The following DOCK8 variants were observed in gnomAD, a reference collection of about 807,000 sequenced individuals.
The protein encoded by DOCK8 is dedicator of cytokinesis 8, also known as dedicator of cytokinesis protein 8.
DOCK8 carries 141 observed loss-of-function variants against 245.6 expected under a neutral mutation model. The observed-to-expected ratio is 0.57, with a 90% CI of 0.50 to 0.66. The LOEUF is 0.66. Among genes scored for constraint, DOCK8 ranks in the 30% least tolerant of loss-of-function variants. The probability of loss-of-function intolerance (pLI) is 0.00; values close to 1 mark genes in which losing one functional copy is unlikely to be tolerated. For missense variants in DOCK8, 2,965 were observed against 2,603.4 expected (o/e 1.14, Z -3.02); for synonymous variants, 1,168 against 970.2 (o/e 1.20, Z -3.79).
intron 4 of DOCK8, among the ~76,000 whole-genome samples, chr9:294,952 G>C (rs540510721): frequency 1.3e-5 from 2 of 152,298 alleles, no homozygotes; most frequent in South Asian, 4.1e-4. Context: ...TTGAGGTCAG[G>C]AGTTCCAGAC....
At chr9:306,955 C>T (rs1248893729) in intron 5 of DOCK8, among the ~76,000 whole-genome samples, 1 of 152,152 alleles carries the variant, frequency 6.6e-6, no homozygotes, top group Non-Finnish European at 1.5e-5. Flanking sequence ...ACTCACGCCT[C>T]ACAGGAGGAG....
chr9:214,716 T>C, upstream of DOCK8: 2 of 1,545,370 alleles, frequency 1.3e-6, no homozygotes, highest in Non-Finnish European at 1.7e-6. Context: ...GGGAGGCCAG[T>C]TCCGCGCTGG....
At chr9:389,503 C>T (rs1408804707) in intron 23 of DOCK8, among the ~76,000 whole-genome samples, 1 of 152,164 alleles carries the variant, frequency 6.6e-6, no homozygotes, top group Non-Finnish European at 1.5e-5. Context: ...CCCACAATGC[C>T]ATATGGGCAT....
At chr9:418,414 C>T (rs557488618) in intron 30 of DOCK8, among the ~76,000 whole-genome samples, 2 of 152,272 alleles carry the variant, frequency 1.3e-5, no homozygotes, top group Admixed American at 6.5e-5. Context: ...CAGGCGTGCA[C>T]CACCACACCT....
At chr9:423,706 C>A (rs952415929) in intron 33 of DOCK8, among the ~76,000 whole-genome samples, 1 of 152,108 alleles carries the variant, frequency 6.6e-6, no homozygotes, top group Non-Finnish European at 1.5e-5. Context: ...GCACTAAATT[C>A]CCTGGACTGA....
At chr9:211,542 G>C (rs1268753984), upstream of DOCK8, among the ~76,000 whole-genome samples, 2 of 152,126 alleles carry the variant, frequency 1.3e-5, no homozygotes, top group Non-Finnish European at 2.9e-5. Flanking sequence ...TGTTATCTAG[G>C]TATTAATTTA....
At chr9:439,193 C>G in intron 39 of DOCK8, 52 bp from the exon 40 acceptor site, 1 of 1,613,574 alleles carries the variant, frequency 6.2e-7, no homozygotes, top group Non-Finnish European at 8.5e-7. Flanking sequence ...CCTGTGGTCT[C>G]TTACTAGTCT....
chr9:230,521 T>C (rs1445791517), intron 1 of DOCK8, among the ~76,000 whole-genome samples: 1 of 152,092 alleles, frequency 6.6e-6, no homozygotes, highest in Non-Finnish European at 1.5e-5. Flanking sequence ...CCACCAACAG[T>C]GTAAAAGTGT....
At chr9:297,075 G>A (rs1014461179) in intron 4 of DOCK8, among the ~76,000 whole-genome samples, 2 of 152,168 alleles carry the variant, frequency 1.3e-5, no homozygotes, top group African/African-American at 4.8e-5. Flanking sequence ...TGCACCTTAT[G>A]ATTTTAGCAC....
Position 463,588 on chromosome 9 carries a change from A to C in DOCK8, c.6140A>C (p.Lys2047Thr). 1 of 1,614,216 alleles carries C rather than the reference A, an allele frequency of 6.2e-7. No homozygotes were observed. Among genetic ancestry groups the C allele is most frequent in the Non-Finnish European group, 8.5e-7 (1 of 1,180,046 alleles). The stretch of plus-strand genomic sequence containing the variant: ...CAGAGGGAATATCAGCAGGAACTCA[A>C]AAAGAACTATAACAAGCTAAAAGAG... Reference protein sequence around the residue: ...ADQREYQQELKKNYNKLKENL... With the variant: ...ADQREYQQELTKNYNKLKENL... Residue 2047 changes from lysine to threonine, a missense_variant, in exon 47 of 48, where the codon AAA becomes ACA. Coordinates refer to ENST00000432829, the MANE Select transcript of DOCK8 (RefSeq NM_203447.4).
rs775818273 is a variant in DOCK8, at chr9:371,486, C to T, written c.1927C>T (p.His643Tyr). Residue 643 changes from histidine (H) to tyrosine (Y), a missense_variant, in exon 17 of 48, where the codon CAC (histidine) becomes TAC (tyrosine). His to Tyr is a moderately conservative substitution (Grantham distance 83). Transcript: ENST00000432829. The stretch of plus-strand genomic sequence containing the variant: ...GCTCCCCGCTAAGCTCACAGTAAAT[C>T]ACCACCTCCTGTTCACCTTCTACCA... ...IKLPAKLTVN[H>Y]HLLFTFYHIS... The T allele has an allele frequency of 6.8e-6, 11 of 1,614,086 alleles. No individual in the cohort carries two copies. In the South Asian group the frequency reaches 9.9e-5, roughly 14 times the overall value.
intron 26 of DOCK8, among the ~76,000 whole-genome samples, chr9:400,168 TCCACCATCACCACC>T (rs2054770055): frequency 5.7e-4 from 20 of 35,394 alleles, no homozygotes; most frequent in African/African-American, 1.9e-3. Flanking sequence ...CACCACCACC[TCCACCATCACCACC>T]TCCTTCACCA....
Position 286,383 on chromosome 9 carries a change from C to G in DOCK8, c.157-78C>G, listed in dbSNP as rs539534391. ...CTTACTAAGTCAAAGGAAAGCAAGG[C>G]AAACATCTACTATTGCCTTTGTGCT... On this transcript the variant is annotated intron_variant, in intron 2 of 47. Coordinates refer to ENST00000432829, the MANE Select transcript of DOCK8 (RefSeq NM_203447.4). The G allele has an allele frequency of 9.1e-6, 14 of 1,532,324 alleles. No individual in the cohort carries two copies. The African/African-American group carries it at 1.2e-4, about 13-fold the overall frequency. The allele number at this position is 1,532,324 out of a possible 1,614,324, so 94.9% of individuals were successfully genotyped here. A position where few individuals can be genotyped will look rare whatever the true frequency, so the allele number is the denominator to read the frequency against.
intron 44 of DOCK8, among the ~76,000 whole-genome samples, chr9:449,579 G>A (rs189814661): frequency 6.6e-6 from 1 of 152,292 alleles, no homozygotes; most frequent in East Asian, 1.9e-4. Context: ...AATGCTAAAT[G>A]TATGTAAAGT....
At chr9:282,366 G>A (rs1182045956) in intron 2 of DOCK8, among the ~76,000 whole-genome samples, 1 of 151,596 alleles carries the variant, frequency 6.6e-6, no homozygotes, top group African/African-American at 2.4e-5. Flanking sequence ...CATCATTTGT[G>A]GCTTTGAATT....
At chr9:276,774 A>G (rs2130067677) in intron 2 of DOCK8, among the ~76,000 whole-genome samples, 1 of 152,304 alleles carries the variant, frequency 6.6e-6, no homozygotes, top group South Asian at 2.1e-4. Flanking sequence ...TACCTCTGTT[A>G]AAATGAAACT....
At chr9:298,349 C>T (rs907755770) in intron 4 of DOCK8, among the ~76,000 whole-genome samples, 1 of 152,096 alleles carries the variant, frequency 6.6e-6, no homozygotes, top group Non-Finnish European at 1.5e-5. Flanking sequence ...TGCTTCAACT[C>T]GGGAGGCGGA....
At position 214,920 on chromosome 9, in the gene DOCK8, C is replaced by T. The variant is rs754145157; in HGVS notation, c.-57C>T. The T allele has an allele frequency of 7.7e-5, 124 of 1,604,052 alleles. No homozygotes were observed. Among genetic ancestry groups the T allele is most frequent in the Non-Finnish European group, 9.6e-5 (113 of 1,177,066 alleles). On this transcript the variant is annotated 5_prime_UTR_variant, in exon 1 of 48. It introduces an in-frame stop codon into an upstream open reading frame of the 5' UTR. Coordinates refer to ENST00000432829, the MANE Select transcript of DOCK8 (RefSeq NM_203447.4). Reference sequence around the variant, plus strand: ...GTTCCGCGGCTACTCTGCGGCGCGCCAGGCCCCCGCTTTCCGCACCCCGCG... The same window carrying T: ...GTTCCGCGGCTACTCTGCGGCGCGCTAGGCCCCCGCTTTCCGCACCCCGCG...
chr9:402,914 G>A (rs1049861642), intron 26 of DOCK8, among the ~76,000 whole-genome samples: 2 of 152,088 alleles, frequency 1.3e-5, no homozygotes, highest in South Asian at 2.1e-4. Flanking sequence ...TTTTGAGATG[G>A]AGTCTTACTC....
Sources: allele counts gnomAD v4.1 joint callset (sites outside exome capture counted in the v4.1 genomes callset), GRCh38; gene constraint gnomAD v4.1.1; transcripts MANE v1.5; gene names NCBI Gene and HGNC (gene_info 2026-07-23, HGNC 2026-07-21).